Variants in RTL1 observed in about 807,000 individuals in gnomAD.
RTL1 encodes retrotransposon-like protein 1.
For synonymous variants in RTL1, 727 were observed against 748.4 expected, an observed-to-expected ratio of 0.97 and a Z score of 0.47; for missense variants, 1,681 against 1,767.5, an observed-to-expected ratio of 0.95 and a Z score of 0.88.
intron 3 of RTL1, among the ~76,000 whole-genome samples, chr14:100,886,550 C>G (rs1188546648): frequency 6.6e-6 from 1 of 152,060 alleles, no homozygotes; most frequent in Admixed American, 6.5e-5. Flanking sequence ...TTTTAAAGCA[C>G]AGTATACAAA....
Position 100,881,756 on chromosome 14 carries a change from G to C in RTL1, c.3033C>G (p.Ala1011=), listed in dbSNP as rs1465270318. 6.2e-7 allele frequency: 1 copy of C among 1,612,720 alleles called. No homozygotes were observed. Among genetic ancestry groups the C allele is most frequent in the East Asian group, 2.2e-5 (1 of 44,840 alleles). The change falls in exon 4 of 4, where the codon GCC becomes GCG. Residue 1011 remains alanine (A), a synonymous_variant. Coordinates refer to ENST00000649591, the MANE Select transcript of RTL1 (RefSeq NM_001134888.3). This position sits in a 1 kb window ranked among gnomAD's most constrained non-coding sequence, Gnocchi z 6.6. The part of the protein sequence containing the change: ...WRRAFQRNTA[A]RQTLLLASRG... Reference sequence around the variant, plus strand: ...TTGAGGCCAGCAGCAGGGTTTGCCTGGCGGCAGTGTTCCTCTGGAAGGCTC... The same window carrying C: ...TTGAGGCCAGCAGCAGGGTTTGCCTCGCGGCAGTGTTCCTCTGGAAGGCTC...
At chr14:100,885,518 T>A (rs1040896958) in intron 3 of RTL1, among the ~76,000 whole-genome samples, 2 of 133,900 alleles carry the variant, frequency 1.5e-5, no homozygotes, top group African/African-American at 5.4e-5. Flanking sequence ...TGTGTACAGG[T>A]CTGGGTTTTT....
Position 100,883,408 on chromosome 14 carries a change from A to T in RTL1, c.1381T>A (p.Ser461Thr). 6.5e-7 allele frequency: 1 copy of T among 1,550,336 alleles called. No homozygotes were observed. The highest frequency in any genetic ancestry group is 8.7e-7 in the Non-Finnish European group (1 of 1,146,102). ...TTGCCAATCAGCGAGCCGTCCACGG[A>T]TTGGACCGGCTGTGGGTACGGCTTC... Reference protein sequence around the residue: ...YEKPYPQPVQSVDGSLIGNEP... With the variant: ...YEKPYPQPVQTVDGSLIGNEP... The change falls in exon 4 of 4, where the codon TCC becomes ACC. Residue 461 changes from serine to threonine, a missense_variant. Physicochemically the swap from Ser to Thr is moderately conservative, Grantham distance 58 (BLOSUM62 1). Coordinates refer to ENST00000649591, the MANE Select transcript of RTL1 (RefSeq NM_001134888.3). The surrounding 1 kb of genome is among the most constrained non-coding windows in gnomAD (Gnocchi z 5.9).
chr14:100,883,542 C>T lies in RTL1; in HGVS notation c.1247G>A (p.Arg416Lys), dbSNP rs967069517. The T allele has an allele frequency of 9.7e-6, 15 of 1,551,558 alleles. No individual in the cohort carries two copies. In the Admixed American group the frequency reaches 2.7e-4, roughly 28 times the overall value. ...CGCGACGCTGTGGTAGGGGTTCACT[C>T]TCACCATGAGCAGCAGGAAGAGGTG... ...RAHLFLLLMV[R>K]VNPYHSVAVQ... Residue 416 changes from arginine (R) to lysine (K), a missense_variant, in exon 4 of 4, where the codon AGA (arginine) becomes AAA (lysine). Coordinates refer to ENST00000649591, the MANE Select transcript of RTL1 (RefSeq NM_001134888.3). The surrounding 1 kb of genome is among the most constrained non-coding windows in gnomAD (Gnocchi z 5.9).
intron 3 of RTL1, among the ~76,000 whole-genome samples, chr14:100,886,855 T>C (rs2038703667): frequency 6.6e-6 from 1 of 152,208 alleles, no homozygotes; most frequent in Admixed American, 6.5e-5. Context: ...AGCAAGACGA[T>C]TTAAAAACTA....
chr14:100,891,425 C>T (rs377171443), intron 3 of RTL1, among the ~76,000 whole-genome samples: 12 of 152,112 alleles, frequency 7.9e-5, no homozygotes, highest in African/African-American at 2.9e-4. Context: ...CTACGCTGTC[C>T]CCAGGGCGTG....
rs2038644840 is a variant in RTL1, at chr14:100,883,202, G to A, written c.1587C>T (p.Tyr529=). 6 of 1,558,616 alleles carry A rather than the reference G, an allele frequency of 3.8e-6. No individual in the cohort carries two copies. Among genetic ancestry groups the A allele is most frequent in the South Asian group, 1.2e-5 (1 of 85,384 alleles). The change falls in exon 4 of 4, where the codon TAC becomes TAT. Residue 529 remains tyrosine (Y), a synonymous_variant. Transcript: ENST00000649591. The surrounding 1 kb of genome is among the most constrained non-coding windows in gnomAD (Gnocchi z 5.9). ...IKGRCTFHSP[Y]CLKNCFRPPP... is the part of the protein sequence containing the mutation. ...GCGGGCGGAAGCAGTTCTTCAGGCA[G>A]TAGGGAGAGTGGAAGGTGCAGCGGC...
rs753858527 is a variant in RTL1, at chr14:100,882,052, T to C, written c.2737A>G (p.Ile913Val). The stretch of plus-strand genomic sequence containing the variant: ...TCCGCTTGAGAGTACTCAACCTCGA[T>C]AGGGGAGATGTTGCGGGAGTAGAAA... The part of the protein sequence containing the change: ...CAFYSRNISP[I>V]EVEYSQAEMK... Residue 913 changes from isoleucine (I) to valine (V), a missense_variant, in exon 4 of 4, where the codon ATC becomes GTC. Physicochemically the swap from Ile to Val is conservative, Grantham distance 29 (BLOSUM62 3). Transcript: ENST00000649591. 4 of 1,612,388 alleles carry C rather than the reference T, an allele frequency of 2.5e-6. No homozygotes were observed. In the Admixed American group the frequency reaches 6.7e-5, roughly 27 times the overall value.
rs1226503491 is a variant in RTL1 at position 100,880,655 on chromosome 14, G to A, written c.*57C>T. On this transcript the variant is annotated 3_prime_UTR_variant, in exon 4 of 4. Coordinates refer to ENST00000649591, the MANE Select transcript of RTL1 (RefSeq NM_001134888.3). ...AGGCGCGGGGAGGCCAGGGGACGTCGGGAGGTGTTGGGGTGAGAAATAGAG... is the reference window on the plus strand; with the variant it reads ...AGGCGCGGGGAGGCCAGGGGACGTCAGGAGGTGTTGGGGTGAGAAATAGAG... 1.2e-5 allele frequency: 18 copies of A among 1,544,484 alleles called. No individual in the cohort carries two copies. The South Asian group carries it at 1.4e-4, about 12-fold the overall frequency.
chr14:100,881,220 G>A lies in RTL1; in HGVS notation c.3569C>T (p.Pro1190Leu). 6.5e-7 allele frequency: 1 copy of A among 1,546,418 alleles called. No homozygotes were observed. The highest frequency in any genetic ancestry group is 8.7e-7 in the Non-Finnish European group (1 of 1,144,578). Residue 1190 changes from proline to leucine, a missense_variant, in exon 4 of 4, where the codon CCT (proline) becomes CTT (leucine). Physicochemically the swap from Pro to Leu is moderately conservative, Grantham distance 98 (BLOSUM62 -3). Transcript: ENST00000649591. The surrounding 1 kb of genome is among the most constrained non-coding windows in gnomAD (Gnocchi z 6.6). ...CTCACACAGCGTCAGCCAGAAGCCA[G>A]GGGTGAACTGCAGGCCTCGGTGGGC... The part of the protein sequence containing the change: ...SQAHRGLQFT[P>L]GFWLTLCEFF...
At position 100,882,819 on chromosome 14, in the gene RTL1, A is replaced by AAC; in HGVS notation, c.1968_1969dup (p.Leu657CysfsTer22). 1.3e-6 allele frequency: 2 copies of AAC among 1,552,290 alleles called. No homozygotes were observed. On this transcript the variant is annotated frameshift_variant, in exon 4 of 4. Coordinates refer to ENST00000649591, the MANE Select transcript of RTL1 (RefSeq NM_001134888.3). LOFTEE classifies it low-confidence loss of function (END_TRUNC). ...TTTTGTGAACCACTCGGCTCCGTGT[A>AAC]ACTGGTCAAACAGTTCCGGAATCAT...
In RTL1 at chr14:100,882,412, C is replaced by T. The variant is rs973919917; in HGVS notation, c.2377G>A (p.Val793Ile). The T allele has an allele frequency of 1.4e-5, 22 of 1,551,864 alleles. No individual in the cohort carries two copies. The Admixed American group carries it at 3.1e-4, about 22-fold the overall frequency. ...TPKGVKLNKN[V>I]MTIITGYPTP... ...GGGTACCCTGTTATGATGGTCATGA[C>T]GTTCTTGTTCAGTTTCACCCCTTTG... The change falls in exon 4 of 4, where the codon GTC becomes ATC. Residue 793 changes from valine to isoleucine, a missense_variant. Coordinates refer to ENST00000649591, the MANE Select transcript of RTL1 (RefSeq NM_001134888.3).
At chr14:100,898,026 C>G (rs766496145) in intron 2 of RTL1, 2 of 497,434 alleles carry the variant, frequency 4.0e-6, no homozygotes, top group East Asian at 1.1e-4. Context: ...CTGTTTCATT[C>G]CTTTTAAGAG....
rs183043186 is a variant in RTL1, at chr14:100,891,617, G to A, written c.-87+1827C>T. ...GGGGGCAGCTGTATCACTCTGCCCA[G>A]AATAACCCTGGGAAGGGGCGTGTGC... On this transcript the variant is annotated intron_variant, in intron 3 of 3. Coordinates refer to ENST00000649591, the MANE Select transcript of RTL1 (RefSeq NM_001134888.3). 2.6e-5 allele frequency among the ~76,000 whole-genome samples: 4 copies of A among 152,348 alleles called. No individual in the cohort carries two copies. The East Asian group carries it at 5.8e-4, about 22-fold the overall frequency.
chr14:100,894,053 G>A (rs118165566), intron 2 of RTL1, among the ~76,000 whole-genome samples: 3,341 of 152,302 alleles, frequency 0.022, 52 homozygotes, highest in South Asian at 0.05. Flanking sequence ...GCTCACACCT[G>A]TAATGCAGCT....
Position 100,881,011 on chromosome 14 carries a change from G to C in RTL1, c.3778C>G (p.Gln1260Glu), listed in dbSNP as rs756720806. 4.2e-5 allele frequency: 66 copies of C among 1,583,336 alleles called. No homozygotes were observed. Among genetic ancestry groups the C allele is most frequent in the Non-Finnish European group, 5.6e-5 (65 of 1,164,966 alleles). Residue 1260 changes from glutamine (Q) to glutamate (E), a missense_variant, in exon 4 of 4, where the codon CAG becomes GAG. Transcript: ENST00000649591. This position sits in a 1 kb window ranked among gnomAD's most constrained non-coding sequence, Gnocchi z 6.6. Reference protein sequence around the residue: ...DGLQDTSQDKQDNDVQEAPPS... With the variant: ...DGLQDTSQDKEDNDVQEAPPS... ...GGGGCCTCCTGCACGTCGTTGTCCT[G>C]CTTGTCCTGCGAGGTGTCTTGCAGG...
chr14:100,892,596 T>C (rs2038796558), intron 3 of RTL1, among the ~76,000 whole-genome samples: 1 of 152,170 alleles, frequency 6.6e-6, no homozygotes, highest in Non-Finnish European at 1.5e-5. Flanking sequence ...AAGGGGACGA[T>C]GCCCTGCTTG....
chr14:100,900,085 G>C (rs1029263378), intron 2 of RTL1, among the ~76,000 whole-genome samples: 2 of 152,244 alleles, frequency 1.3e-5, no homozygotes, highest in African/African-American at 4.8e-5. Flanking sequence ...AGTTTGGTGA[G>C]AGTTTATTTT....
Position 100,881,150 on chromosome 14 carries a change from G to A in RTL1, c.3639C>T (p.Ala1213=), listed in dbSNP as rs986147224. Residue 1213 remains alanine (A), a synonymous_variant, in exon 4 of 4, where the codon GCC becomes GCT. Transcript: ENST00000649591. The surrounding 1 kb of genome is among the most constrained non-coding windows in gnomAD (Gnocchi z 6.6). ...GCTCCAGGTAGCGGTTCTGACGCAGGGCAGGGAGGTGGCCCTCCTGGGGGG... is the reference window on the plus strand; with the variant it reads ...GCTCCAGGTAGCGGTTCTGACGCAGAGCAGGGAGGTGGCCCTCCTGGGGGG... ...RVTPQEGHLP[A]LRQNRYLELH... The A allele has an allele frequency of 7.7e-6, 12 of 1,549,544 alleles. No individual in the cohort carries two copies. In the Admixed American group the frequency reaches 1.5e-4, roughly 20 times the overall value.
Sources: gnomAD v4.1 joint callset for allele counts (sites outside exome capture counted in the v4.1 genomes callset) on GRCh38, gnomAD v4.1.1 for gene constraint, Gnocchi (gnomAD v3.1) non-coding constraint, MANE v1.5 for transcripts, NCBI Gene and HGNC (gene_info 2026-07-23, HGNC 2026-07-21) for gene names.